TCF7L2: variants seen among roughly 807,000 people sequenced by gnomAD.
TCF7L2 encodes the protein transcription factor 7 like 2.
Under a neutral mutation model 77.9 loss-of-function variants are expected in TCF7L2, and 23 were observed. The ratio of observed to expected loss-of-function variants is 0.30; its 90% CI spans 0.21 to 0.42. The LOEUF (loss-of-function observed/expected upper bound fraction) is 0.42, where lower values mean the gene tolerates loss of function less well. TCF7L2 is among the 10% of genes least tolerant of loss of function. The pLI is 1.00. For synonymous variants in TCF7L2, 413 were observed against 340.2 expected (o/e 1.21, Z -2.36); for missense variants, 654 against 793.1 (o/e 0.82, Z 2.11).
intron 8 of TCF7L2, among the ~76,000 whole-genome samples, chr10:113,149,303 A>G (rs374484772): frequency 6.6e-6 from 1 of 151,986 alleles, no homozygotes; most frequent in South Asian, 2.1e-4. Flanking sequence ...GTTTCCTTAC[A>G]TTTTCCTTCT....
At chr10:113,162,747 T>C (rs1718831258) in intron 13 of TCF7L2, among the ~76,000 whole-genome samples, 2 of 152,292 alleles carry the variant, frequency 1.3e-5, no homozygotes, top group Non-Finnish European at 2.9e-5. Flanking sequence ...TTCCATACCA[T>C]GGAATGATTA....
intron 5 of TCF7L2, among the ~76,000 whole-genome samples, chr10:113,106,573 A>C (rs1475984265): frequency 6.6e-6 from 1 of 152,182 alleles, no homozygotes; most frequent in Non-Finnish European, 1.5e-5. Context: ...TGTTGATATG[A>C]TGATCAGGAG....
intron 5 of TCF7L2, among the ~76,000 whole-genome samples, chr10:113,117,660 G>A (rs927629341): frequency 6.6e-6 from 1 of 152,212 alleles, no homozygotes; most frequent in East Asian, 1.9e-4. Context: ...TGCGCGCTTA[G>A]TCAATGCCGG....
At chr10:113,110,214 A>G (rs897357599) in intron 5 of TCF7L2, among the ~76,000 whole-genome samples, 1 of 152,176 alleles carries the variant, frequency 6.6e-6, no homozygotes, top group African/African-American at 2.4e-5. Context: ...ATCTTTGTAG[A>G]TAATAATGAA....
At chr10:113,115,799 C>T (rs971862303) in intron 5 of TCF7L2, among the ~76,000 whole-genome samples, 3 of 152,108 alleles carry the variant, frequency 2.0e-5, no homozygotes, top group Admixed American at 6.6e-5. Context: ...CCATCCCGTC[C>T]ACAACCTGTG....
At position 112,987,302 on chromosome 10, in the gene TCF7L2, T is replaced by C. The variant is rs139875238; in HGVS notation, c.450+22678T>C. Among the ~76,000 whole-genome samples, 633 of 152,234 alleles carry C rather than the reference T, an allele frequency of 4.2e-3. 3 individuals are homozygous for C. The highest frequency in any genetic ancestry group is 6.5e-3 in the Non-Finnish European group (441 of 68,014). On this transcript the variant is annotated intron_variant, in intron 4 of 13. Coordinates refer to ENST00000627217, the MANE Select transcript of TCF7L2 (RefSeq NM_001146274.2). ...AATCTCAGTTTCCTTGTCTGTAAAA[T>C]AGGCATAGTAAAACTGTCTCCCTCC...
chr10:113,032,829 G>C (rs1286696035), intron 4 of TCF7L2, among the ~76,000 whole-genome samples: 1 of 152,080 alleles, frequency 6.6e-6, no homozygotes, highest in Non-Finnish European at 1.5e-5. Context: ...ATGTCATTCT[G>C]AACTCTAAAA....
chr10:113,111,106 T>C (rs2063076474), intron 5 of TCF7L2, among the ~76,000 whole-genome samples: 1 of 152,112 alleles, frequency 6.6e-6, no homozygotes, highest in Non-Finnish European at 1.5e-5. Context: ...AATCAAGCTT[T>C]TCAGTTATAT....
intron 11 of TCF7L2, among the ~76,000 whole-genome samples, chr10:113,155,788 C>A (rs2071746877): frequency 6.6e-6 from 1 of 152,212 alleles, no homozygotes. Context: ...TCCAGGATAG[C>A]CAGGTGGCAC....
intron 4 of TCF7L2, among the ~76,000 whole-genome samples, chr10:112,985,576 C>A (rs1248884735): frequency 1.3e-5 from 2 of 152,134 alleles, no homozygotes; most frequent in African/African-American, 4.8e-5. Context: ...ACCATAATTC[C>A]TTAAATTGGA....
chr10:113,115,741 GCC>G (rs2063645604), intron 5 of TCF7L2, among the ~76,000 whole-genome samples: 4 of 152,046 alleles, frequency 2.6e-5, no homozygotes, highest in African/African-American at 9.7e-5. Context: ...GCTGTGTGCG[GCC>G]TCCATTTCAA....
intron 5 of TCF7L2, among the ~76,000 whole-genome samples, chr10:113,046,697 C>T (rs2053525350): frequency 6.6e-6 from 1 of 152,142 alleles, no homozygotes; most frequent in African/African-American, 2.4e-5. Context: ...AAAAGTTGTA[C>T]CTCTAAAGTA....
chr10:113,013,606 A>G (rs189667449), intron 4 of TCF7L2, among the ~76,000 whole-genome samples: 1 of 152,198 alleles, frequency 6.6e-6, no homozygotes, highest in African/African-American at 2.4e-5. Flanking sequence ...TAAGGAAGAT[A>G]AGCTTTGATT....
chr10:113,114,717 A>G (rs2063519636), intron 5 of TCF7L2, among the ~76,000 whole-genome samples: 1 of 152,210 alleles, frequency 6.6e-6, no homozygotes, highest in Non-Finnish European at 1.5e-5. Context: ...TAATTTCCTA[A>G]GCAAACAGAA....
chr10:112,985,715 G>A (rs549641936), intron 4 of TCF7L2, among the ~76,000 whole-genome samples: 5 of 152,292 alleles, frequency 3.3e-5, no homozygotes, highest in East Asian at 1.9e-4. Flanking sequence ...CTCCTGGGGC[G>A]AGGCTGTGGG....
chr10:112,952,330 T>C (rs745861760), intron 3 of TCF7L2, among the ~76,000 whole-genome samples: 1 of 152,150 alleles, frequency 6.6e-6, no homozygotes, highest in Non-Finnish European at 1.5e-5. Flanking sequence ...ACTTGGGGGC[T>C]CTGAGGCGTC....
chr10:113,142,381 A>G (rs951771316), intron 6 of TCF7L2, among the ~76,000 whole-genome samples: 1 of 152,222 alleles, frequency 6.6e-6, no homozygotes, highest in African/African-American at 2.4e-5. Context: ...GCTCTCCTCC[A>G]ACAAGATCTA....
At chr10:113,064,093 C>T (rs147055102) in intron 5 of TCF7L2, among the ~76,000 whole-genome samples, 76 of 152,162 alleles carry the variant, frequency 5.0e-4, no homozygotes, top group African/African-American at 1.6e-3. Flanking sequence ...AGGTGGAGTC[C>T]CTGCCATTTT....
At chr10:113,034,338 G>C (rs1030305131) in intron 4 of TCF7L2, among the ~76,000 whole-genome samples, 1 of 152,102 alleles carries the variant, frequency 6.6e-6, no homozygotes, top group African/African-American at 2.4e-5. Context: ...ATCGTGGTGC[G>C]GTCTTTTGTG....
Sources: allele counts gnomAD v4.1 joint callset (sites outside exome capture counted in the v4.1 genomes callset), GRCh38; gene constraint gnomAD v4.1.1; transcripts MANE v1.5; gene names NCBI Gene and HGNC (gene_info 2026-07-23, HGNC 2026-07-21).